The following CAPN5 variants were observed in gnomAD, a reference collection of about 807,000 sequenced individuals.
CAPN5 encodes the protein calpain 5, also known as calpain-5.
CAPN5 carries 54 observed loss-of-function variants against 73.0 expected under a neutral mutation model. That is an observed-to-expected ratio of 0.74 (90% CI 0.59 to 0.93). The LOEUF (loss-of-function observed/expected upper bound fraction) is 0.93. Ranked by LOEUF, CAPN5 falls within the 40% of genes least tolerant of loss-of-function variation. The pLI is 0.00. For missense variants in CAPN5, 785 were observed against 882.9 expected (o/e 0.89, Z 1.41); for synonymous variants, 335 against 356.9 (o/e 0.94, Z 0.69).
chr11:77,090,507 G>A (rs1376614417), intron 2 of CAPN5, among the ~76,000 whole-genome samples: 2 of 152,174 alleles, frequency 1.3e-5, no homozygotes, highest in Non-Finnish European at 2.9e-5. Context: ...GCAGACCTAG[G>A]GCATCCCATC....
intron 3 of CAPN5, among the ~76,000 whole-genome samples, chr11:77,096,035 C>T (rs893498619): frequency 2.5e-4 from 38 of 152,194 alleles, no homozygotes; most frequent in African/African-American, 8.9e-4. Flanking sequence ...GAGCTCATTA[C>T]TGCGCCTTCC....
At chr11:77,104,330 C>A (rs1035109513) in intron 3 of CAPN5, among the ~76,000 whole-genome samples, 1 of 152,182 alleles carries the variant, frequency 6.6e-6, no homozygotes, top group African/African-American at 2.4e-5. Flanking sequence ...CTCTTTAGAG[C>A]TTGCAGGTCA....
chr11:77,121,542 C>T lies in CAPN5; in HGVS notation c.1488-392C>T, dbSNP rs181129922. Among the ~76,000 whole-genome samples, 564 of 152,366 alleles carry T rather than the reference C, an allele frequency of 3.7e-3. 2 individuals are homozygous for T. The highest frequency in any genetic ancestry group is 0.012 in the African/African-American group (517 of 41,584). On this transcript the variant is annotated intron_variant, in intron 10 of 12. Coordinates refer to ENST00000648180, the MANE Select transcript of CAPN5 (RefSeq NM_004055.5). ...GCTCAGGGTCCTGCCGGCCCAGGCT[C>T]CCCAGCTTTCCAGCTGTTTGGGCAA...
chr11:77,103,304 G>A, intron 3 of CAPN5: 1 of 1,611,056 alleles, frequency 6.2e-7, no homozygotes, highest in Non-Finnish European at 8.5e-7. Flanking sequence ...CCAACCTCAA[G>A]GCCTCCGTGG....
At chr11:77,078,679 AT>A (rs1949997816) in intron 1 of CAPN5, among the ~76,000 whole-genome samples, 1 of 152,150 alleles carries the variant, frequency 6.6e-6, no homozygotes, top group Non-Finnish European at 1.5e-5. Flanking sequence ...AACAATACTA[AT>A]TCTTATCTAC....
chr11:77,093,445 A>C (rs915544263), intron 2 of CAPN5, among the ~76,000 whole-genome samples: 3 of 151,910 alleles, frequency 2.0e-5, no homozygotes, highest in African/African-American at 7.3e-5. Context: ...GCGGAAGAGC[A>C]CTCTCTGGCC....
In CAPN5 at chr11:77,123,786, G is replaced by A. The variant is rs782815677; in HGVS notation, c.1839G>A (p.Arg613=). 37 of 1,613,896 alleles carry A rather than the reference G, an allele frequency of 2.3e-5. No homozygotes were observed. The highest frequency in any genetic ancestry group is 3.0e-5 in the Non-Finnish European group (35 of 1,179,998). ...NLQALHTLHL[R]DRNSRQPSNL... is the part of the protein sequence containing the mutation. ...AGGCCCTGCATACCCTCCACCTCCG[G>A]GACCGAAATAGCCGGCAGCCCAGCA... Residue 613 remains arginine (R), a synonymous_variant, in exon 13 of 13, where the codon CGG becomes CGA. Coordinates refer to ENST00000648180, the MANE Select transcript of CAPN5 (RefSeq NM_004055.5).
Position 77,116,234 on chromosome 11 carries a change from A to G in CAPN5, c.902A>G (p.Glu301Gly). The G allele has an allele frequency of 6.2e-7, 1 of 1,612,546 alleles. No individual in the cohort carries two copies. The highest frequency in any genetic ancestry group is 1.1e-5 in the South Asian group (1 of 90,518). The change falls in exon 7 of 13, where the codon GAG becomes GGG. Residue 301 changes from glutamate to glycine, a missense_variant. By Grantham distance (98) the Glu-to-Gly change is moderately conservative. Transcript: ENST00000648180. ...CGGCCCTGACACCCCAGCTCGGAGG[A>G]GTGGCAGAAAGTGAGCAAGAGTGAG... ...WNGPWSDTSE[E>G]WQKVSKSERE...
chr11:77,115,524 T>C lies in CAPN5; in HGVS notation c.829T>C (p.Leu277=), dbSNP rs1555041573. The C allele has an allele frequency of 1.2e-6, 2 of 1,613,078 alleles. No homozygotes were observed. Among genetic ancestry groups the C allele is most frequent in the African/African-American group, 2.7e-5 (2 of 74,900 alleles). The change falls in exon 6 of 13, where the codon TTG becomes CTG. Residue 277 remains leucine (L), a synonymous_variant. Transcript: ENST00000648180. ...GLLAFFKSEK[L]DMIRLRNPWG... ...ACTGGCCTTCTTCAAGTCAGAGAAG[T>C]TGGACATGATCCGCCTGCGCAACCC...
chr11:77,121,762 C>T (rs1159097605), intron 10 of CAPN5, among the ~76,000 whole-genome samples, 172 bp from the exon 11 acceptor site: 1 of 152,190 alleles, frequency 6.6e-6, no homozygotes, highest in African/African-American at 2.4e-5. Flanking sequence ...AGGCAGGAAG[C>T]CCACAGGGCT....
rs200438328 is a variant in CAPN5 at position 77,091,960 on chromosome 11, C to T, written c.166-1722C>T. ...ATTGGCCATGCACATTGGCTCAAGCCTGTCATCCCAGCACTTTGGGAGGCT... is the reference window on the plus strand; with the variant it reads ...ATTGGCCATGCACATTGGCTCAAGCTTGTCATCCCAGCACTTTGGGAGGCT... On this transcript the variant is annotated intron_variant, in intron 2 of 12. Coordinates refer to ENST00000648180, the MANE Select transcript of CAPN5 (RefSeq NM_004055.5). Among the ~76,000 whole-genome samples the T allele has an allele frequency of 7.9e-5, 12 of 152,376 alleles. No homozygotes were observed. In the East Asian group the frequency reaches 2.3e-3, roughly 29 times the overall value.
chr11:77,079,783 TTGTGTGTG>T (rs147108363), intron 1 of CAPN5, among the ~76,000 whole-genome samples: 2,334 of 148,226 alleles, frequency 0.016, 50 homozygotes, highest in African/African-American at 0.055. Flanking sequence ...CTACTTGAGA[TTGTGTGTG>T]TGTGTGTGTG....
chr11:77,116,215 T>C lies in CAPN5; in HGVS notation c.894-11T>C. ...CAGCTCCCTTTCTCCTCCCCGGCCC[T>C]GACACCCCAGCTCGGAGGAGTGGCA... is the stretch of plus-strand genomic sequence containing the variant. On this transcript the variant is annotated splice_polypyrimidine_tract_variant and intron_variant, in intron 6 of 12. Coordinates refer to ENST00000648180, the MANE Select transcript of CAPN5 (RefSeq NM_004055.5). 1 of 1,608,762 alleles carries C rather than the reference T, an allele frequency of 6.2e-7. No homozygotes were observed. Among genetic ancestry groups the C allele is most frequent in the South Asian group, 1.1e-5 (1 of 89,590 alleles).
chr11:77,070,516 A>G (rs1555032868), intron 1 of CAPN5, among the ~76,000 whole-genome samples: 1 of 152,190 alleles, frequency 6.6e-6, no homozygotes, highest in African/African-American at 2.4e-5. Flanking sequence ...CAGCGGAGCA[A>G]CTCAAGGTGT....
chr11:77,114,178 G>A, intron 4 of CAPN5, 64 bp from the exon 5 acceptor site: 3 of 1,499,726 alleles, frequency 2.0e-6, no homozygotes, highest in Non-Finnish European at 2.8e-6. Context: ...CCTCCCCTAT[G>A]AGGTAAAGGA....
intron 3 of CAPN5, among the ~76,000 whole-genome samples, chr11:77,101,420 A>G (rs1241313419): frequency 6.6e-6 from 1 of 152,164 alleles, no homozygotes; most frequent in African/African-American, 2.4e-5. Flanking sequence ...CCAGCTACAA[A>G]GCAAAAGGTT....
At chr11:77,096,613 G>A (rs140516571) in intron 3 of CAPN5, among the ~76,000 whole-genome samples, 31 of 152,354 alleles carry the variant, frequency 2.0e-4, no homozygotes, top group Non-Finnish European at 3.7e-4. Flanking sequence ...TGGACTTCAG[G>A]TGACCAGGTT....
At chr11:77,091,444 G>A (rs1950148259) in intron 2 of CAPN5, among the ~76,000 whole-genome samples, 1 of 152,222 alleles carries the variant, frequency 6.6e-6, no homozygotes, top group South Asian at 2.1e-4. Context: ...CATGCTGTGT[G>A]GCGGGGACAT....
Position 77,085,031 on chromosome 11 carries a change from G to C in CAPN5, c.145G>C (p.Val49Leu), listed in dbSNP as rs185836777. ...LYYKGTPGPAVRWKRPKGICE... is the reference protein window; with the variant it reads ...LYYKGTPGPALRWKRPKGICE... Reference sequence around the variant, plus strand: ...CTATAAGGGCACGCCGGGGCCCGCCGTCAGGTGGAAGCGACCCAAGGTCAG... The same window carrying C: ...CTATAAGGGCACGCCGGGGCCCGCCCTCAGGTGGAAGCGACCCAAGGTCAG... The change falls in exon 2 of 13, where the codon GTC (valine) becomes CTC (leucine). Residue 49 changes from valine (V) to leucine (L), a missense_variant. Transcript: ENST00000648180. 1.2e-6 allele frequency: 2 copies of C among 1,613,376 alleles called. No individual in the cohort carries two copies. Among genetic ancestry groups the C allele is most frequent in the Non-Finnish European group, 1.7e-6 (2 of 1,180,044 alleles).
Sources: allele counts gnomAD v4.1 joint callset (sites outside exome capture counted in the v4.1 genomes callset), GRCh38; gene constraint gnomAD v4.1.1; transcripts MANE v1.5; gene names NCBI Gene and HGNC (gene_info 2026-07-23, HGNC 2026-07-21).